SCNN1D: variants seen among roughly 807,000 people sequenced by gnomAD.
SCNN1D encodes epithelial sodium channel subunit delta.
Under a neutral mutation model 87.8 loss-of-function variants are expected in SCNN1D, and 104 were observed. That is an observed-to-expected ratio of 1.18 (90% CI 1.01 to 1.39). The LOEUF is 1.39. SCNN1D is among the 40% of genes most tolerant of loss of function. SCNN1D has a pLI of 0.00. For synonymous variants in SCNN1D, 628 were observed against 481.2 expected (o/e 1.31, Z -3.99); for missense variants, 1,324 against 1,093.9 (o/e 1.21, Z -2.97).
At chr1:1,291,205 G>A (rs1433703188) in intron 17 of SCNN1D, 49 bp from the exon 18 acceptor site, 1 of 1,579,640 alleles carries the variant, frequency 6.3e-7, no homozygotes, top group Non-Finnish European at 8.6e-7. Context: ...CTGCACAGAA[G>A]GGGCACGGGG....
At chr1:1,283,292 C>T (rs112802516) in intron 4 of SCNN1D, among the ~76,000 whole-genome samples, 64 of 152,322 alleles carry the variant, frequency 4.2e-4, no homozygotes, top group African/African-American at 1.5e-3. Context: ...TCCCGAGAGA[C>T]ACTGGATCTG....
intron 5 of SCNN1D, among the ~76,000 whole-genome samples, chr1:1,285,172 C>T (rs1036539906): frequency 4.6e-5 from 7 of 152,322 alleles, no homozygotes; most frequent in East Asian, 3.9e-4. Context: ...CCCCAGGCCC[C>T]GAAGCTTCTG....
In SCNN1D at chr1:1,287,148, A is replaced by G. The variant is rs140150794; in HGVS notation, c.1159A>G (p.Thr387Ala). ...CGGCGACTGCTTTTACCGAGGCTAC[A>G]CGTCAGGCGTGGCGGCTGTCCAGGA... ...TGGDCFYRGY[T>A]SGVAAVQDWY... is the part of the protein sequence containing the mutation. The change falls in exon 9 of 18, where the codon ACG becomes GCG. Residue 387 changes from threonine (T) to alanine (A), a missense_variant. Thr to Ala is a moderately conservative substitution (Grantham distance 58, BLOSUM62 0). Transcript: ENST00000379116. 5 of 1,605,312 alleles carry G rather than the reference A, an allele frequency of 3.1e-6. No homozygotes were observed. The highest frequency in any genetic ancestry group is 3.4e-6 in the Non-Finnish European group (4 of 1,174,202).
chr1:1,282,668 TGTGTGTGAGGTCGTAGC>T (rs1196053919), intron 4 of SCNN1D, among the ~76,000 whole-genome samples: 1 of 151,896 alleles, frequency 6.6e-6, no homozygotes, highest in Non-Finnish European at 1.5e-5. Flanking sequence ...GTGGTCTTAG[TGTGTGTGAGGTCGTAGC>T]GTGTGTGAGG....
At position 1,291,809 on chromosome 1, in the gene SCNN1D, G is replaced by T. The variant is rs574600044; in HGVS notation, c.*199G>T. 4.3e-6 allele frequency: 2 copies of T among 465,760 alleles called. No individual in the cohort carries two copies. Among genetic ancestry groups the T allele is most frequent in the Admixed American group, 7.6e-5 (2 of 26,270 alleles). 28.9% of individuals were successfully genotyped at this position (465,760 alleles called of 1,614,324 possible). A position where few individuals can be genotyped will look rare whatever the true frequency, so the allele number is the denominator to read the frequency against. On this transcript the variant is annotated 3_prime_UTR_variant, in exon 18 of 18. Transcript: ENST00000379116. ...CCTGGGGTGGGTCTCAAGGAGGCCCGGGGCGGAGGGGGGTTCCCGCGTGCA... is the reference window on the plus strand; with the variant it reads ...CCTGGGGTGGGTCTCAAGGAGGCCCTGGGCGGAGGGGGGTTCCCGCGTGCA...
In SCNN1D at chr1:1,291,356, G is replaced by A. The variant is rs1327010626; in HGVS notation, c.2155G>A (p.Ala719Thr). The A allele has an allele frequency of 9.9e-6, 16 of 1,608,242 alleles. No individual in the cohort carries two copies. Among genetic ancestry groups the A allele is most frequent in the Non-Finnish European group, 1.3e-5 (15 of 1,178,530 alleles). ...CCTGGAGCTGCTGCTCGATGCTTCT[G>A]CCCTCACCCTGGTGCTAGGCGGCCG... ...ELLELLLDASALTLVLGGRRL... is the reference protein window; with the variant it reads ...ELLELLLDASTLTLVLGGRRL... The change falls in exon 18 of 18, where the codon GCC (alanine) becomes ACC (threonine). Residue 719 changes from alanine to threonine, a missense_variant. Physicochemically the swap from Ala to Thr is moderately conservative, Grantham distance 58. Coordinates refer to ENST00000379116, the MANE Select transcript of SCNN1D (RefSeq NM_001130413.4).
chr1:1,283,170 G>A (rs1209778423), intron 4 of SCNN1D, among the ~76,000 whole-genome samples: 2 of 152,160 alleles, frequency 1.3e-5, no homozygotes, highest in Admixed American at 1.3e-4. Flanking sequence ...CAGCTATAGT[G>A]TCCAGCAGGG....
At position 1,287,855 on chromosome 1, in the gene SCNN1D, C is replaced by A; in HGVS notation, c.1563+19C>A. On this transcript the variant is annotated intron_variant, in intron 11 of 17. Transcript: ENST00000379116. Reference sequence around the variant, plus strand: ...CCGAGAGGTGAGCTGGCCTCTGCAGCCAACCTCCGGCCCAGGCCTCCTGCC... The same window carrying A: ...CCGAGAGGTGAGCTGGCCTCTGCAGACAACCTCCGGCCCAGGCCTCCTGCC... 1 of 1,523,402 alleles carries A rather than the reference C, an allele frequency of 6.6e-7. No homozygotes were observed. Among genetic ancestry groups the A allele is most frequent in the Non-Finnish European group, 8.9e-7 (1 of 1,128,848 alleles). The allele number at this position is 1,523,402 out of a possible 1,614,324, so 94.4% of individuals were successfully genotyped here.
chr1:1,285,235 C>G (rs903847850), intron 5 of SCNN1D, among the ~76,000 whole-genome samples: 23 of 152,248 alleles, frequency 1.5e-4, no homozygotes, highest in Admixed American at 1.3e-4. Flanking sequence ...GGCAGCGGGA[C>G]AGCCTCGCAG....
At chr1:1,290,991 C>T (rs772808968) in intron 16 of SCNN1D, 38 bp downstream of exon 16, 2 of 1,592,924 alleles carry the variant, frequency 1.3e-6, no homozygotes, top group Non-Finnish European at 1.7e-6. Flanking sequence ...GCATCACAGC[C>T]CCTCTCCCCT....
intron 7 of SCNN1D, 117 bp downstream of exon 7, chr1:1,286,395 A>T: frequency 1.2e-6 from 1 of 827,660 alleles, no homozygotes; most frequent in South Asian, 1.7e-5. Context: ...TGTGTGGTCA[A>T]TGCCACCCTC....
chr1:1,280,622 T>C lies in SCNN1D; in HGVS notation c.-40T>C. ...TTCTCATCAGACTCAAGGCCTGAGG[T>C]GATGCTGATGCTGTGCCTGAATTCC... On this transcript the variant is annotated 5_prime_UTR_variant, in exon 1 of 18. An upstream open reading frame in the 5' UTR loses its in-frame stop. Transcript: ENST00000379116. The C allele has an allele frequency of 1.4e-6, 1 of 699,022 alleles. No homozygotes were observed. The highest frequency in any genetic ancestry group is 2.6e-6 in the Non-Finnish European group (1 of 383,206). The allele number at this position is 699,022 out of a possible 1,614,324, so 43.3% of individuals were successfully genotyped here. A position where few individuals can be genotyped will look rare whatever the true frequency, so the allele number is the denominator to read the frequency against.
chr1:1,288,210 T>TCTGCTCTGTCCCGTGTCC (rs1640655286), intron 12 of SCNN1D, among the ~76,000 whole-genome samples, 173 bp downstream of exon 12: 7 of 143,804 alleles, frequency 4.9e-5, no homozygotes, highest in African/African-American at 1.8e-4. Flanking sequence ...TCCCTGTGTC[T>TCTGCTCTGTCCCGTGTCC]CTGCTCCGTC....
At position 1,290,480 on chromosome 1, in the gene SCNN1D, A is replaced by G. The variant is rs1045459675; in HGVS notation, c.1784A>G (p.His595Arg). Residue 595 changes from histidine to arginine, a missense_variant, in exon 14 of 18, where the codon CAC becomes CGC. His to Arg is a conservative substitution (Grantham distance 29, BLOSUM62 0). Coordinates refer to ENST00000379116, the MANE Select transcript of SCNN1D (RefSeq NM_001130413.4). ...CSSARHPAWGHCFYRLYQDLE... is the reference protein window; with the variant it reads ...CSSARHPAWGRCFYRLYQDLE... ...ATGCCTCTGACCCCTCCCCAAGGACACTGCTTCTACCGCCTCTACCAGGAC... is the reference window on the plus strand; with the variant it reads ...ATGCCTCTGACCCCTCCCCAAGGACGCTGCTTCTACCGCCTCTACCAGGAC... 8.7e-6 allele frequency: 14 copies of G among 1,612,482 alleles called. No homozygotes were observed. The highest frequency in any genetic ancestry group is 2.2e-5 in the East Asian group (1 of 44,896).
Position 1,291,324 on chromosome 1 carries a change from T to C in SCNN1D, c.2123T>C (p.Leu708Pro). The C allele has an allele frequency of 6.3e-7, 1 of 1,598,734 alleles. No individual in the cohort carries two copies. Among genetic ancestry groups the C allele is most frequent in the South Asian group, 1.1e-5 (1 of 89,108 alleles). ...LWFGASVLSL[L>P]ELLELLLDAS... The stretch of plus-strand genomic sequence containing the variant: ...TTTGGGGCCTCCGTCCTCTCCCTCC[T>C]GGAGCTCCTGGAGCTGCTGCTCGAT... Residue 708 changes from leucine (L) to proline (P), a missense_variant, in exon 18 of 18, where the codon CTG becomes CCG. Physicochemically the swap from Leu to Pro is moderately conservative, Grantham distance 98. Transcript: ENST00000379116.
chr1:1,287,654 C>T lies in SCNN1D; in HGVS notation c.1400-19C>T. On this transcript the variant is annotated intron_variant, in intron 10 of 17. Transcript: ENST00000379116. ...GGGGTGCAGGTCAGGTGGCCTCACA[C>T]CAGCCCTTGGCCTCCCAGGAGTCGG... 7 of 1,611,830 alleles carry T rather than the reference C, an allele frequency of 4.3e-6. No homozygotes were observed. Among genetic ancestry groups the T allele is most frequent in the Non-Finnish European group, 5.9e-6 (7 of 1,179,484 alleles).
intron 5 of SCNN1D, among the ~76,000 whole-genome samples, chr1:1,285,170 C>A (rs1393685733): frequency 6.6e-6 from 1 of 152,214 alleles, no homozygotes; most frequent in Non-Finnish European, 1.5e-5. Flanking sequence ...GTCCCCAGGC[C>A]CCGAAGCTTC....
chr1:1,286,777 G>T lies in SCNN1D; in HGVS notation c.921G>T (p.Pro307=), dbSNP rs867317470. Residue 307 remains proline (P), a synonymous_variant, in exon 8 of 18, where the codon CCG becomes CCT. Transcript: ENST00000379116. ...GGGCCCTGCGTCCCAGGCCGAGTCCGGTCCTCCGCCATCTGGAGCTGCTGG... is the reference window on the plus strand; with the variant it reads ...GGGCCCTGCGTCCCAGGCCGAGTCCTGTCCTCCGCCATCTGGAGCTGCTGG... ...LCDGNPRRPS[P]VLRHLELLDE... The T allele has an allele frequency of 3.7e-6, 6 of 1,612,424 alleles. No homozygotes were observed. Among genetic ancestry groups the T allele is most frequent in the Non-Finnish European group, 4.2e-6 (5 of 1,179,854 alleles).
Position 1,281,220 on chromosome 1 carries a change from C to G in SCNN1D, c.6-6C>G. 6.5e-7 allele frequency: 1 copy of G among 1,535,138 alleles called. No individual in the cohort carries two copies. The highest frequency in any genetic ancestry group is 8.7e-7 in the Non-Finnish European group (1 of 1,146,762). On this transcript the variant is annotated splice_region_variant and splice_polypyrimidine_tract_variant and intron_variant, in intron 1 of 17. Coordinates refer to ENST00000379116, the MANE Select transcript of SCNN1D (RefSeq NM_001130413.4). ...CCCACAGATGCCAGGCGCCTGCCAT[C>G]TCCAGGGCAGTGCTGTCACAGAAGA...
Sources: gnomAD v4.1 joint callset for allele counts (sites outside exome capture counted in the v4.1 genomes callset) on GRCh38, gnomAD v4.1.1 for gene constraint, MANE v1.5 for transcripts, NCBI Gene and HGNC (gene_info 2026-07-23, HGNC 2026-07-21) for gene names.